The following AR variants were observed in gnomAD, a reference collection of about 807,000 sequenced individuals.
The protein encoded by AR is androgen receptor.
AR carries 8 observed loss-of-function variants against 53.9 expected under a neutral mutation model. The ratio of observed to expected loss-of-function variants is 0.15; its 90% CI spans 0.09 to 0.27. AR has a LOEUF of 0.27. Ranked by LOEUF, AR falls within the 10% of genes least tolerant of loss-of-function variation. The pLI is 1.00. For synonymous variants in AR, 359 were observed against 316.4 expected (o/e 1.13, Z -1.43); for missense variants, 639 against 742.5 (o/e 0.86, Z 1.62).
intron 3 of AR, among the ~76,000 whole-genome samples, chrX:67,698,154 A>T (rs148532036): frequency 8.9e-6 from 1 of 112,189 alleles, no homozygotes; most frequent in African/African-American, 3.2e-5. Flanking sequence ...TACTCTTTAT[A>T]CATATGTAAG....
intron 1 of AR, among the ~76,000 whole-genome samples, chrX:67,558,209 AT>A (rs1239633947): frequency 8.9e-6 from 1 of 112,328 alleles, no homozygotes; most frequent in African/African-American, 3.2e-5. Context: ...AAAAGTGAAA[AT>A]TCTTTGGTCC....
At chrX:67,567,967 A>G (rs1362457228) in intron 1 of AR, among the ~76,000 whole-genome samples, 1 of 111,148 alleles carries the variant, frequency 9.0e-6, no homozygotes, top group Non-Finnish European at 1.9e-5. Context: ...CAATTGTAGT[A>G]ACGGGGCTGA....
chrX:67,701,507 G>A (rs1281867058), intron 3 of AR, among the ~76,000 whole-genome samples: 1 of 111,883 alleles, frequency 8.9e-6, no homozygotes, highest in Non-Finnish European at 1.9e-5. Flanking sequence ...GTCCCAAAAT[G>A]GTGGCTATGG....
intron 2 of AR, among the ~76,000 whole-genome samples, chrX:67,669,230 A>G (rs183039494): frequency 1.8e-5 from 2 of 111,161 alleles, no homozygotes; most frequent in African/African-American, 6.5e-5. Flanking sequence ...AGGTTTTAGT[A>G]TGTTGTTTAG....
At chrX:67,609,028 A>G (rs1923759100) in intron 1 of AR, among the ~76,000 whole-genome samples, 1 of 110,785 alleles carries the variant, frequency 9.0e-6, no homozygotes, top group South Asian at 3.8e-4. Flanking sequence ...ACATCTATCT[A>G]GTTGCTACTG....
intron 3 of AR, among the ~76,000 whole-genome samples, chrX:67,708,798 G>T (rs1353717038): frequency 9.0e-6 from 1 of 111,579 alleles, no homozygotes; most frequent in East Asian, 2.8e-4. Context: ...TTTGATGATG[G>T]TGACATACAG....
intron 1 of AR, among the ~76,000 whole-genome samples, chrX:67,636,217 T>A (rs1054259283): frequency 1.8e-5 from 2 of 111,007 alleles, no homozygotes; most frequent in African/African-American, 6.5e-5. Context: ...GCTTAGTCAA[T>A]ATTTTAAAAA....
At position 67,728,574 on chromosome X, in the gene AR, AATAT is replaced by A. The variant is rs10666509; in HGVS notation, c.*4771_*4774del. The A allele has an allele frequency of 0.019, 566 of 29,848 alleles. 5 individuals are homozygous for A. The highest frequency in any genetic ancestry group is 0.044 in the South Asian group (12 of 270). The allele number at this position is 29,848 out of a possible 1,213,427, so 2.5% of individuals were successfully genotyped here. On this transcript the variant is annotated 3_prime_UTR_variant, in exon 8 of 8. Coordinates refer to ENST00000374690, the MANE Select transcript of AR (RefSeq NM_000044.6). ...ATTTGTATCCATGTTTCAAAATTGAAATATATATATATATATATATATATATATA... is the reference window on the plus strand; with the variant it reads ...ATTTGTATCCATGTTTCAAAATTGAAATATATATATATATATATATATATA...
At position 67,545,361 on chromosome X, in the gene AR, AGCAGCAG is replaced by A; in HGVS notation, c.216_222del (p.Gln72HisfsTer101). 8.4e-7 allele frequency: 1 copy of A among 1,186,104 alleles called. No homozygotes were observed. Among genetic ancestry groups the A allele is most frequent in the East Asian group, 3.0e-5 (1 of 32,919 alleles). ...CAGCAGCAGCAGCAGCAGCAGCAGC[AGCAGCAG>A]CAGCAGCAGCAGCAGCAAGAGACTA... On this transcript the variant is annotated frameshift_variant, in exon 1 of 8. Coordinates refer to ENST00000374690, the MANE Select transcript of AR (RefSeq NM_000044.6). LOFTEE classifies it high-confidence loss of function.
chrX:67,701,586 T>C (rs1231650998), intron 3 of AR, among the ~76,000 whole-genome samples: 1 of 111,836 alleles, frequency 8.9e-6, no homozygotes, highest in Non-Finnish European at 1.9e-5. Flanking sequence ...CTTCTAGGTG[T>C]GTGTATGCAC....
At chrX:67,550,628 C>T (rs1459100056) in intron 1 of AR, among the ~76,000 whole-genome samples, 11 of 105,044 alleles carry the variant, frequency 1.0e-4, no homozygotes, top group African/African-American at 3.6e-4. Flanking sequence ...TATTTTATAG[C>T]CAAACCTGAA....
At chrX:67,577,174 C>G (rs982225483) in intron 1 of AR, among the ~76,000 whole-genome samples, 1 of 110,005 alleles carries the variant, frequency 9.1e-6, no homozygotes, top group Admixed American at 9.7e-5. Flanking sequence ...CTTTCTGTCT[C>G]TATAGATTTA....
At chrX:67,700,371 A>G (rs1349870132) in intron 3 of AR, among the ~76,000 whole-genome samples, 1 of 111,494 alleles carries the variant, frequency 9.0e-6, no homozygotes, top group Non-Finnish European at 1.9e-5. Flanking sequence ...GATGGCCTTC[A>G]TGGAAGAAAA....
chrX:67,636,678 TG>T (rs1193266894), intron 1 of AR, among the ~76,000 whole-genome samples: 1 of 111,966 alleles, frequency 8.9e-6, no homozygotes, highest in Non-Finnish European at 1.9e-5. Flanking sequence ...GGACTGCAGT[TG>T]GAATTTACAT....
intron 1 of AR, among the ~76,000 whole-genome samples, chrX:67,585,993 C>T (rs773562716): frequency 8.9e-6 from 1 of 111,936 alleles, no homozygotes; most frequent in South Asian, 3.7e-4. Context: ...TTTCAGCTGA[C>T]TATCTGCTGT....
Position 67,663,105 on chromosome X carries a change from G to C in AR, c.1768+19698G>C, listed in dbSNP as rs1385879674. ...TTTGCCAGTCTGTGTCTTTTAATTG[G>C]AGCATTTAGCCCATTTACATTTAAG... On this transcript the variant is annotated intron_variant, in intron 2 of 7. Transcript: ENST00000374690. 5.4e-5 allele frequency among the ~76,000 whole-genome samples: 6 copies of C among 111,625 alleles called. No individual in the cohort carries two copies. In the South Asian group the frequency reaches 2.3e-3, roughly 42 times the overall value.
intron 2 of AR, among the ~76,000 whole-genome samples, chrX:67,684,884 T>A (rs1412102914): frequency 1.8e-5 from 2 of 111,243 alleles, no homozygotes; most frequent in Non-Finnish European, 3.8e-5. Context: ...TTTTTTCTAC[T>A]CTCAAATATC....
At chrX:67,668,793 T>C (rs889823673) in intron 2 of AR, among the ~76,000 whole-genome samples, 1 of 111,380 alleles carries the variant, frequency 9.0e-6, no homozygotes, top group African/African-American at 3.2e-5. Context: ...TCACAAGTTG[T>C]CTGTTTCTCA....
intron 1 of AR, among the ~76,000 whole-genome samples, chrX:67,600,071 T>G (rs1323435950): frequency 9.0e-6 from 1 of 111,183 alleles, no homozygotes; most frequent in Non-Finnish European, 1.9e-5. Flanking sequence ...TGAATGTACA[T>G]ATATGCATAT....
Sources: allele counts gnomAD v4.1 joint callset (sites outside exome capture counted in the v4.1 genomes callset), GRCh38; gene constraint gnomAD v4.1.1; transcripts MANE v1.5; gene names NCBI Gene and HGNC (gene_info 2026-07-23, HGNC 2026-07-21).